Variants in TTC1 observed in about 807,000 individuals in gnomAD.
TTC1 encodes the protein tetratricopeptide repeat protein 1.
Under a neutral mutation model 37.6 loss-of-function variants are expected in TTC1, and 31 were observed. The observed-to-expected ratio is 0.82, with a 90% confidence interval of 0.62 to 1.11. The LOEUF is 1.11. Ranked by LOEUF, TTC1 falls within the 50% of genes most tolerant of loss-of-function variation. TTC1 has a pLI of 0.00. For synonymous variants in TTC1, 127 were observed against 122.4 expected (o/e 1.04, Z -0.25); for missense variants, 351 against 339.0 (o/e 1.04, Z -0.28).
intron 1 of TTC1, 89 bp from the exon 2 acceptor site, chr5:160,010,411 C>T: frequency 1.4e-6 from 1 of 735,708 alleles, no homozygotes; most frequent in Non-Finnish European, 2.2e-6. Flanking sequence ...TGTTTTTTGG[C>T]TGTAATGCAG....
At chr5:160,023,706 T>A in intron 2 of TTC1, 1 of 1,576,448 alleles carries the variant, frequency 6.3e-7, no homozygotes, top group Non-Finnish European at 8.7e-7. Flanking sequence ...TGTCACATGT[T>A]GCCTAATCTT....
At chr5:160,045,443 TC>T (rs1757190052) in intron 5 of TTC1, among the ~76,000 whole-genome samples, 1 of 70,138 alleles carries the variant, frequency 1.4e-5, no homozygotes, top group African/African-American at 5.5e-5. Context: ...GCCCCCGACA[TC>T]CCCCACCCTC....
chr5:160,033,721 G>A (rs1379775130), intron 2 of TTC1, among the ~76,000 whole-genome samples: 5 of 152,218 alleles, frequency 3.3e-5, no homozygotes, highest in Non-Finnish European at 7.3e-5. Flanking sequence ...ACTATCATGA[G>A]AACAACATGG....
intron 4 of TTC1, among the ~76,000 whole-genome samples, chr5:160,038,443 T>G (rs1474109217): frequency 6.6e-6 from 1 of 152,146 alleles, no homozygotes; most frequent in Non-Finnish European, 1.5e-5. Context: ...CTCCTGGGAT[T>G]TGGGATTCTT....
chr5:160,038,659 CTTT>C (rs541012506), intron 4 of TTC1, among the ~76,000 whole-genome samples: 1 of 120,188 alleles, frequency 8.3e-6, no homozygotes, highest in Admixed American at 9.1e-5. Flanking sequence ...AGTTGCGTTT[CTTT>C]TTTTTTTTTT....
In TTC1 at chr5:160,010,551, G is replaced by C; in HGVS notation, c.23G>C (p.Cys8Ser). ...AGCATGGGGGAGAAGTCAGAGAACT[G>C]TGGGGTTCCAGAGGATCTGTTAAAT... MGEKSEN[C>S]GVPEDLLNGL... is the part of the protein sequence containing the mutation. Residue 8 changes from cysteine to serine, a missense_variant, in exon 2 of 8, where the codon TGT becomes TCT. Cys to Ser is a moderately radical substitution (Grantham distance 112, BLOSUM62 -1). Transcript: ENST00000231238. 1 of 1,613,864 alleles carries C rather than the reference G, an allele frequency of 6.2e-7. No homozygotes were observed. Among genetic ancestry groups the C allele is most frequent in the Non-Finnish European group, 8.5e-7 (1 of 1,179,828 alleles).
chr5:160,051,685 G>A (rs1300567095), intron 7 of TTC1, among the ~76,000 whole-genome samples: 1 of 152,104 alleles, frequency 6.6e-6, no homozygotes, highest in Non-Finnish European at 1.5e-5. Flanking sequence ...GTAGGGGTAG[G>A]GCAAATGGAT....
chr5:160,028,350 C>T (rs1756847096), intron 2 of TTC1, among the ~76,000 whole-genome samples: 1 of 145,084 alleles, frequency 6.9e-6, no homozygotes, highest in South Asian at 2.2e-4. Context: ...GATATTTGTT[C>T]TGTTCTTCTC....
At chr5:160,031,671 G>A (rs545654328) in intron 2 of TTC1, among the ~76,000 whole-genome samples, 3 of 151,974 alleles carry the variant, frequency 2.0e-5, no homozygotes, top group South Asian at 4.2e-4. Flanking sequence ...GGAGCCTTTC[G>A]CTTTGCTACC....
chr5:160,039,628 T>C (rs1757053361), intron 4 of TTC1, among the ~76,000 whole-genome samples: 1 of 152,184 alleles, frequency 6.6e-6, no homozygotes, highest in East Asian at 1.9e-4. Flanking sequence ...TAAGATGCAC[T>C]ACAGCTTAAT....
chr5:160,039,410 TATAG>T (rs1757050279), intron 4 of TTC1, among the ~76,000 whole-genome samples: 3 of 152,020 alleles, frequency 2.0e-5, no homozygotes, highest in South Asian at 2.1e-4. Flanking sequence ...TACTGTTTTA[TATAG>T]ATAGATAGCT....
Position 160,065,392 on chromosome 5 carries a change from C to T in TTC1, c.*327C>T, listed in dbSNP as rs959992534. ...CACACACAGCCCAGCAAAAGCCTCTCCTGAACCAAACAAACCTGTTGGTTG... is the reference window on the plus strand; with the variant it reads ...CACACACAGCCCAGCAAAAGCCTCTTCTGAACCAAACAAACCTGTTGGTTG... On this transcript the variant is annotated 3_prime_UTR_variant, in exon 8 of 8. Coordinates refer to ENST00000231238, the MANE Select transcript of TTC1 (RefSeq NM_003314.3). 35 of 491,522 alleles carry T rather than the reference C, an allele frequency of 7.1e-5. No individual in the cohort carries two copies. The highest frequency in any genetic ancestry group is 1.3e-4 in the Non-Finnish European group (33 of 250,974). 30.4% of individuals were successfully genotyped at this position (491,522 alleles called of 1,614,324 possible). A position where few individuals can be genotyped will look rare whatever the true frequency, so the allele number is the denominator to read the frequency against.
intron 2 of TTC1, among the ~76,000 whole-genome samples, chr5:160,030,911 C>G (rs1756897493): frequency 6.6e-6 from 1 of 152,294 alleles, no homozygotes; most frequent in African/African-American, 2.4e-5. Context: ...AGACTTTCCT[C>G]TGATAGTGCT....
intron 7 of TTC1, among the ~76,000 whole-genome samples, chr5:160,053,503 T>C (rs1471335880): frequency 6.6e-6 from 1 of 152,046 alleles, no homozygotes; most frequent in Non-Finnish European, 1.5e-5. Context: ...GATCGAGACT[T>C]CAGTGAGCCA....
chr5:160,022,038 G>A (rs1220164490), intron 2 of TTC1, among the ~76,000 whole-genome samples: 1 of 152,198 alleles, frequency 6.6e-6, no homozygotes, highest in Non-Finnish European at 1.5e-5. Context: ...GAGAGCTGCT[G>A]ATAGATTTAT....
intron 2 of TTC1, among the ~76,000 whole-genome samples, chr5:160,022,931 T>C (rs1756736807): frequency 6.6e-6 from 1 of 152,190 alleles, no homozygotes; most frequent in African/African-American, 2.4e-5. Context: ...GAGTTATTCA[T>C]TCAGCAGACA....
rs1355260699 is a variant in TTC1 at position 160,023,806 on chromosome 5, T to C, written c.331-11334T>C. 21 of 1,613,562 alleles carry C rather than the reference T, an allele frequency of 1.3e-5. 1 individual carries two copies. The highest frequency in any genetic ancestry group is 1.6e-5 in the Non-Finnish European group (19 of 1,179,766). Reference sequence around the variant, plus strand: ...TTGATGTGTGCCTTGCCCTCTTGCCTGTATCATTCTCAGAGTCTGAGCTGT... The same window carrying C: ...TTGATGTGTGCCTTGCCCTCTTGCCCGTATCATTCTCAGAGTCTGAGCTGT... On this transcript the variant is annotated intron_variant, in intron 2 of 7. Transcript: ENST00000231238.
At chr5:160,056,805 G>A (rs1581124257) in intron 7 of TTC1, among the ~76,000 whole-genome samples, 1 of 152,216 alleles carries the variant, frequency 6.6e-6, no homozygotes, top group Admixed American at 6.5e-5. Flanking sequence ...ACATGTCATT[G>A]CCAAGTTCAG....
At chr5:160,035,303 C>T (rs887821267) in intron 3 of TTC1, 103 bp downstream of exon 3, 1 of 933,136 alleles carries the variant, frequency 1.1e-6, no homozygotes, top group Non-Finnish European at 1.5e-6. Flanking sequence ...ACCCCAAAAC[C>T]AGACTTCACA....
Sources: allele counts gnomAD v4.1 joint callset (sites outside exome capture counted in the v4.1 genomes callset), GRCh38; gene constraint gnomAD v4.1.1; transcripts MANE v1.5; gene names NCBI Gene and HGNC (gene_info 2026-07-23, HGNC 2026-07-21).